The following ANKRD30A variants were observed in gnomAD, a reference collection of about 807,000 sequenced individuals.
ANKRD30A encodes the protein ankyrin repeat domain 30A, also known as ankyrin repeat domain-containing protein 30A.
A neutral mutation model predicts 166.3 loss-of-function variants in ANKRD30A; 170 were observed. The observed-to-expected ratio is 1.02, with a 90% CI of 0.90 to 1.16. ANKRD30A has a LOEUF of 1.16. Ranked by LOEUF, ANKRD30A falls within the 50% of genes most tolerant of loss-of-function variation. The probability of loss-of-function intolerance (pLI) is 0.00; values close to 1 mark genes in which losing one functional copy is unlikely to be tolerated. For synonymous variants in ANKRD30A, 564 were observed against 508.9 expected, an observed-to-expected ratio of 1.11 and a Z score of -1.46; for missense variants, 1,630 against 1,518.0, an observed-to-expected ratio of 1.07 and a Z score of -1.23.
intron 12 of ANKRD30A, 60 bp downstream of exon 12, chr10:37,152,181 G>C: frequency 7.2e-7 from 1 of 1,392,694 alleles, no homozygotes; most frequent in Non-Finnish European, 1.0e-6. Flanking sequence ...AAACATAAAG[G>C]CAGAGGCTTA....
At chr10:37,133,654 C>T (rs1836506217) in intron 4 of ANKRD30A, among the ~76,000 whole-genome samples, 2 of 152,070 alleles carry the variant, frequency 1.3e-5, no homozygotes, top group Admixed American at 6.6e-5. Flanking sequence ...AAATCTTTGC[C>T]TCTTTTAGAT....
intron 30 of ANKRD30A, 138 bp from the exon 31 acceptor site, chr10:37,201,097 T>A (rs1210273712): frequency 1.1e-5 from 6 of 543,244 alleles, no homozygotes; most frequent in East Asian, 4.9e-5. Context: ...TGTTTTTTTT[T>A]ATACGTGTCT....
chr10:37,263,246 A>G, the ANKRD30A span, among the ~76,000 whole-genome samples: 1 of 151,886 alleles, frequency 6.6e-6, no homozygotes, highest in Non-Finnish European at 1.5e-5. Flanking sequence ...GGAATAGGTA[A>G]TCTCCTAAGA....
chr10:37,247,524 C>A, the ANKRD30A span, among the ~76,000 whole-genome samples: 3 of 151,886 alleles, frequency 2.0e-5, no homozygotes, highest in Admixed American at 6.6e-5. Context: ...TAGAGAGGAA[C>A]AACGTACACT....
Position 37,216,179 on chromosome 10 carries a change from A to G in ANKRD30A, c.2870-2A>G, listed in dbSNP as rs1233668822. The G allele has an allele frequency of 1.3e-6, 2 of 1,580,634 alleles. No homozygotes were observed. The highest frequency in any genetic ancestry group is 3.6e-5 in the Admixed American group (2 of 55,928). The stretch of plus-strand genomic sequence containing the variant: ...TTTATTTGTATCTCCTCCTTGAGAC[A>G]GATTCAACTAGCCTATCAAAAATCT... On this transcript the variant is annotated splice_acceptor_variant, in intron 31 of 35. Coordinates refer to ENST00000361713, the MANE Select transcript of ANKRD30A (RefSeq NM_052997.3). LOFTEE classifies it high-confidence loss of function.
intron 31 of ANKRD30A, among the ~76,000 whole-genome samples, chr10:37,215,795 C>T (rs1842571551): frequency 6.6e-6 from 1 of 151,458 alleles, no homozygotes; most frequent in South Asian, 2.1e-4. Flanking sequence ...TCAGCACATG[C>T]CACACACTGG....
intron 31 of ANKRD30A, among the ~76,000 whole-genome samples, chr10:37,215,802 C>T (rs1842572009): frequency 1.3e-5 from 2 of 151,498 alleles, no homozygotes; most frequent in Non-Finnish European, 3.0e-5. Context: ...ATGCCACACA[C>T]TGGCTAAAAT....
rs141194244 is a variant in ANKRD30A, at chr10:37,219,328, G to T, written c.3616G>T (p.Val1206Leu). 5 of 1,610,292 alleles carry T rather than the reference G, an allele frequency of 3.1e-6. No homozygotes were observed. The Admixed American group carries it at 8.4e-5, about 27-fold the overall frequency. Residue 1206 changes from valine to leucine, a missense_variant, in exon 34 of 36, where the codon GTA becomes TTA. Val to Leu is a conservative substitution (Grantham distance 32). Transcript: ENST00000361713. Reference protein sequence around the residue: ...ESHHPRLASAVQDHDQIVTSR... With the variant: ...ESHHPRLASALQDHDQIVTSR... Reference sequence around the variant, plus strand: ...ACACCATCCTAGACTGGCTTCTGCTGTACAAGACCATGATCAAATTGTGAC... The same window carrying T: ...ACACCATCCTAGACTGGCTTCTGCTTTACAAGACCATGATCAAATTGTGAC...
intron 13 of ANKRD30A, 140 bp downstream of exon 13, chr10:37,153,802 T>C (rs1458717121): frequency 4.1e-6 from 5 of 1,218,380 alleles, no homozygotes; most frequent in South Asian, 1.4e-5. Flanking sequence ...TGGTCGTAAG[T>C]TGTATGTCTC....
At chr10:37,246,414 G>C in the ANKRD30A span, among the ~76,000 whole-genome samples, 1 of 152,070 alleles carries the variant, frequency 6.6e-6, no homozygotes, top group African/African-American at 2.4e-5. Context: ...TTGATATTCT[G>C]CTTAGGACTC....
At chr10:37,232,681 TATATATATATATAA>T (rs1564604623), downstream of ANKRD30A, 8 of 7,452 alleles carry the variant, frequency 1.1e-3, no homozygotes, top group African/African-American at 1.5e-3. Context: ...TATATATATA[TATATATATATATAA>T]ATAGAGAGAG....
At chr10:37,210,022 G>C (rs1588930540) in intron 31 of ANKRD30A, among the ~76,000 whole-genome samples, 1 of 151,980 alleles carries the variant, frequency 6.6e-6, no homozygotes, top group African/African-American at 2.4e-5. Flanking sequence ...ATGTGGGTTT[G>C]TTACATAGGT....
At chr10:37,198,186 G>T (rs1184793998) in intron 29 of ANKRD30A, among the ~76,000 whole-genome samples, 1 of 151,888 alleles carries the variant, frequency 6.6e-6, no homozygotes, top group Non-Finnish European at 1.5e-5. Flanking sequence ...CTATTCTTAT[G>T]CATGTTTAAA....
chr10:37,219,532 C>CTA lies in ANKRD30A; in HGVS notation c.3821_3822dup (p.Arg1275Ter), dbSNP rs1564588225. The stretch of plus-strand genomic sequence containing the variant: ...TAATCTCAATTATGCAGGAGATGCT[C>CTA]TAAGAGAAAATACATTGGTTTCAGA... On this transcript the variant is annotated frameshift_variant, in exon 34 of 36. Transcript: ENST00000361713. LOFTEE classifies it high-confidence loss of function. 6.2e-7 allele frequency: 1 copy of CTA among 1,610,228 alleles called. No homozygotes were observed. The highest frequency in any genetic ancestry group is 2.2e-5 in the East Asian group (1 of 44,680).
chr10:37,144,994 G>T lies in ANKRD30A; in HGVS notation c.1394-1G>T, dbSNP rs1229815239. The T allele has an allele frequency of 3.1e-6, 5 of 1,592,058 alleles. No homozygotes were observed. The highest frequency in any genetic ancestry group is 4.3e-6 in the Non-Finnish European group (5 of 1,167,784). On this transcript the variant is annotated splice_acceptor_variant, in intron 7 of 35. Coordinates refer to ENST00000361713, the MANE Select transcript of ANKRD30A (RefSeq NM_052997.3). LOFTEE classifies it high-confidence loss of function. ...ATATATCTGTGATTAACTTTTTATA[G>T]ATCAGAGGTTCCCATCAGAATCCAA...
At chr10:37,211,608 CT>C (rs1478690683) in intron 31 of ANKRD30A, among the ~76,000 whole-genome samples, 1 of 152,082 alleles carries the variant, frequency 6.6e-6, no homozygotes, top group African/African-American at 2.4e-5. Flanking sequence ...GTGCATGTGT[CT>C]TTATAGCAGC....
intron 25 of ANKRD30A, among the ~76,000 whole-genome samples, chr10:37,190,353 G>C (rs1192606852): frequency 1.3e-5 from 2 of 151,762 alleles, no homozygotes; most frequent in Non-Finnish European, 2.9e-5. Context: ...TGGAAGCAGA[G>C]CAACTGGATA....
the ANKRD30A span, among the ~76,000 whole-genome samples, chr10:37,253,726 C>T: frequency 6.6e-6 from 1 of 150,690 alleles, no homozygotes; most frequent in Non-Finnish European, 1.5e-5. Context: ...TGGCTCACTG[C>T]AAGCGCCACC....
chr10:37,200,473 A>G (rs1340522772), intron 30 of ANKRD30A, among the ~76,000 whole-genome samples: 2 of 152,144 alleles, frequency 1.3e-5, no homozygotes, highest in Non-Finnish European at 2.9e-5. Flanking sequence ...AACGGCGGAA[A>G]GACATAGAAA....
Sources: gnomAD v4.1 joint callset for allele counts (sites outside exome capture counted in the v4.1 genomes callset) on GRCh38, gnomAD v4.1.1 for gene constraint, MANE v1.5 for transcripts, NCBI Gene and HGNC (gene_info 2026-07-23, HGNC 2026-07-21) for gene names.